The following SS18L1 variants were observed in gnomAD, a reference collection of about 807,000 sequenced individuals.
The protein encoded by SS18L1 is SS18L1 subunit of BAF chromatin remodeling complex.
SS18L1 carries 32 observed loss-of-function variants against 70.3 expected under a neutral mutation model. That is an observed-to-expected ratio of 0.46 (90% CI 0.34 to 0.61). The LOEUF is 0.61. Ranked by LOEUF, SS18L1 falls within the 20% of genes least tolerant of loss-of-function variation. The pLI, the probability that SS18L1 is intolerant of heterozygous loss-of-function variation, is 0.01. For missense variants in SS18L1, 430 were observed against 542.1 expected, an observed-to-expected ratio of 0.79 and a Z score of 2.05; for synonymous variants, 237 against 229.7, an observed-to-expected ratio of 1.03 and a Z score of -0.29.
At chr20:62,165,013 C>T (rs1448055377) in intron 7 of SS18L1, among the ~76,000 whole-genome samples, 3 of 152,216 alleles carry the variant, frequency 2.0e-5, no homozygotes, top group Non-Finnish European at 4.4e-5. Context: ...GACAGGTGGG[C>T]AGGTGGCAGC....
In SS18L1 at chr20:62,161,597, A is replaced by G. The variant is rs889606957; in HGVS notation, c.376+17A>G. 6.3e-7 allele frequency: 1 copy of G among 1,595,304 alleles called. No homozygotes were observed. The highest frequency in any genetic ancestry group is 1.7e-4 in the Middle Eastern group (1 of 5,922). On this transcript the variant is annotated intron_variant, in intron 4 of 10. Transcript: ENST00000331758. The surrounding 1 kb of genome is among the most constrained non-coding windows in gnomAD (Gnocchi z 4.4). ...TTGGCAACGGTGAGTGCGGCGGGGGAGGAGGACGTTCCTGGCTACGAGGCC... is the reference window on the plus strand; with the variant it reads ...TTGGCAACGGTGAGTGCGGCGGGGGGGGAGGACGTTCCTGGCTACGAGGCC...
rs1426114049 is a variant in SS18L1, at chr20:62,149,823, G to A, written c.69+5934G>A. Among the ~76,000 whole-genome samples, 3 of 152,214 alleles carry A rather than the reference G, an allele frequency of 2.0e-5. No homozygotes were observed. In the East Asian group the frequency reaches 5.8e-4, roughly 29 times the overall value. ...CCATTCCAAACTGCAGGAAACCATC[G>A]CAAGTCCAGGGTCATGTCAGAAAGA... On this transcript the variant is annotated intron_variant, in intron 1 of 10. Coordinates refer to ENST00000331758, the MANE Select transcript of SS18L1 (RefSeq NM_198935.3).
Position 62,163,510 on chromosome 20 carries a change from C to T in SS18L1, c.609C>T (p.Gly203=), listed in dbSNP as rs73309164. Reference sequence around the variant, plus strand: ...CGTCGCACTACAGCTCGGCGCAGGGCGGCAGCCAGCACTACCAGGGCCAGT... The same window carrying T: ...CGTCGCACTACAGCTCGGCGCAGGGTGGCAGCCAGCACTACCAGGGCCAGT... ...AATSHYSSAQ[G]GSQHYQGQSS... is the part of the protein sequence containing the mutation. The change falls in exon 6 of 11, where the codon GGC becomes GGT. Residue 203 remains glycine, a synonymous_variant. Coordinates refer to ENST00000331758, the MANE Select transcript of SS18L1 (RefSeq NM_198935.3). 84,546 of 1,611,952 alleles carry T rather than the reference C, an allele frequency of 0.052. 2,868 individuals are homozygous for T. Among genetic ancestry groups the T allele is most frequent in the African/African-American group, 0.15 (11,400 of 74,990 alleles).
chr20:62,147,406 C>A (rs1236667726), intron 1 of SS18L1, among the ~76,000 whole-genome samples: 4 of 152,188 alleles, frequency 2.6e-5, no homozygotes, highest in African/African-American at 4.8e-5. Context: ...CTGTAGTGTT[C>A]TGTTGTCCAG....
intron 8 of SS18L1, among the ~76,000 whole-genome samples, chr20:62,168,968 G>A (rs2057481767): frequency 6.6e-6 from 1 of 152,106 alleles, no homozygotes; most frequent in Admixed American, 6.6e-5. Context: ...CCAGTAATAG[G>A]AGGGGACCAG....
chr20:62,155,665 G>A (rs148776798), intron 1 of SS18L1, among the ~76,000 whole-genome samples: 1 of 152,230 alleles, frequency 6.6e-6, no homozygotes, highest in Non-Finnish European at 1.5e-5. Context: ...TCCTGGAGAC[G>A]CCCCCTCCTC....
At chr20:62,155,724 G>C (rs532937481) in intron 1 of SS18L1, among the ~76,000 whole-genome samples, 35 of 152,336 alleles carry the variant, frequency 2.3e-4, no homozygotes, top group African/African-American at 8.2e-4. Flanking sequence ...AAAGGTGCCA[G>C]AATTTTAACA....
At chr20:62,149,161 T>C (rs2427255) in intron 1 of SS18L1, among the ~76,000 whole-genome samples, 24,646 of 152,172 alleles carry the variant, frequency 0.16, 5,987 homozygotes, top group African/African-American at 0.53. Context: ...GTCACGCCCG[T>C]CCCCAGTGGA....
chr20:62,164,440 T>A (rs1303545890), intron 7 of SS18L1, among the ~76,000 whole-genome samples, 194 bp downstream of exon 7: 1 of 152,224 alleles, frequency 6.6e-6, no homozygotes, highest in Non-Finnish European at 1.5e-5. Context: ...GGGCTGGCAG[T>A]GGTGCCTGGC....
intron 1 of SS18L1, among the ~76,000 whole-genome samples, chr20:62,157,561 G>A (rs1161178664): frequency 6.6e-6 from 1 of 152,206 alleles, no homozygotes; most frequent in African/African-American, 2.4e-5. Context: ...CCAGTTCTAG[G>A]AGCACGTGGC....
In SS18L1 at chr20:62,179,627, T is replaced by C. The variant is rs2057678174; in HGVS notation, c.*419T>C. The C allele has an allele frequency of 4.2e-6, 1 of 240,818 alleles. No individual in the cohort carries two copies. The highest frequency in any genetic ancestry group is 5.5e-5 in the Admixed American group (1 of 18,238). The allele number at this position is 240,818 out of a possible 1,614,324, so 14.9% of individuals were successfully genotyped here. On this transcript the variant is annotated 3_prime_UTR_variant, in exon 11 of 11. Coordinates refer to ENST00000331758, the MANE Select transcript of SS18L1 (RefSeq NM_198935.3). ...TTTTCCTCCTCATGCAGTGTTGTAG[T>C]GTGGGTTGTCAACTTTTCTTTAACT... is the stretch of plus-strand genomic sequence containing the variant.
rs998827309 is a variant in SS18L1, at chr20:62,174,813, G to A, written c.1164+169G>A. 6.6e-7 allele frequency: 1 copy of A among 1,509,498 alleles called. No individual in the cohort carries two copies. The highest frequency in any genetic ancestry group is 8.9e-7 in the Non-Finnish European group (1 of 1,126,766). 93.5% of individuals were successfully genotyped at this position (1,509,498 alleles called of 1,614,324 possible). A position where few individuals can be genotyped will look rare whatever the true frequency, so the allele number is the denominator to read the frequency against. Reference sequence around the variant, plus strand: ...TGTAAGGTTTTGCAGAATTGCCTCTGTGTATACGCTCACCTCAGTCATCCA... The same window carrying A: ...TGTAAGGTTTTGCAGAATTGCCTCTATGTATACGCTCACCTCAGTCATCCA... On this transcript the variant is annotated intron_variant, in intron 10 of 10. Coordinates refer to ENST00000331758, the MANE Select transcript of SS18L1 (RefSeq NM_198935.3). This position sits in a 1 kb window ranked among gnomAD's most constrained non-coding sequence, Gnocchi z 4.1.
intron 1 of SS18L1, among the ~76,000 whole-genome samples, chr20:62,156,659 C>T (rs1424830895): frequency 1.3e-5 from 2 of 152,246 alleles, no homozygotes; most frequent in East Asian, 3.9e-4. Context: ...GCTTGGCTCT[C>T]TCCACCCTGG....
At chr20:62,178,016 C>CCTT (rs2057649455) in intron 10 of SS18L1, among the ~76,000 whole-genome samples, 1 of 101,378 alleles carries the variant, frequency 9.9e-6, no homozygotes, top group African/African-American at 4.0e-5. Context: ...TGTGCCTGGC[C>CCTT]TTTTTTTTTT....
intron 3 of SS18L1, among the ~76,000 whole-genome samples, chr20:62,160,583 G>A (rs1325424138): frequency 6.6e-6 from 1 of 152,188 alleles, no homozygotes; most frequent in Admixed American, 6.5e-5. Context: ...TTTTTAAAAT[G>A]CATTTTTCCA....
chr20:62,171,625 T>A (rs1202634462), intron 8 of SS18L1, among the ~76,000 whole-genome samples: 2 of 152,238 alleles, frequency 1.3e-5, no homozygotes, highest in African/African-American at 4.8e-5. Context: ...TCAATAAAGC[T>A]GTTATTTAAA....
Position 62,148,441 on chromosome 20 carries a change from T to C in SS18L1, c.69+4552T>C, listed in dbSNP as rs112096648. ...TGTCTTAGGTCAGGTGAGGGAGGCTTGGCCTCCTTGCTGTCTTAGGTGAGG... is the reference window on the plus strand; with the variant it reads ...TGTCTTAGGTCAGGTGAGGGAGGCTCGGCCTCCTTGCTGTCTTAGGTGAGG... On this transcript the variant is annotated intron_variant, in intron 1 of 10. Transcript: ENST00000331758. 1.8e-4 allele frequency among the ~76,000 whole-genome samples: 25 copies of C among 138,336 alleles called. 1 individual carries two copies. In the East Asian group the frequency reaches 5.0e-3, roughly 28 times the overall value. 90.8% of individuals were successfully genotyped at this position (138,336 alleles called of 152,430 possible). A position where few individuals can be genotyped will look rare whatever the true frequency, so the allele number is the denominator to read the frequency against.
Position 62,158,650 on chromosome 20 carries a change from C to T in SS18L1, c.70-22C>T, listed in dbSNP as rs2057266848. On this transcript the variant is annotated intron_variant, in intron 1 of 10. Transcript: ENST00000331758. This position sits in a 1 kb window ranked among gnomAD's most constrained non-coding sequence, Gnocchi z 4.5. ...CAGCGACAGCCCCGCGTCGGCAGCG[C>T]CCGCTCACGCTCTCTCCGCAGATGC... 6.2e-7 allele frequency: 1 copy of T among 1,611,012 alleles called. No individual in the cohort carries two copies. The highest frequency in any genetic ancestry group is 2.2e-5 in the East Asian group (1 of 44,874).
chr20:62,159,680 G>T lies in SS18L1; in HGVS notation c.147-197G>T, dbSNP rs1299626361. ...AGCCTGCTCAGGGTTTGGGGTAGAG[G>T]CTGCCCTCCCGTCCCCACCGAGACC... On this transcript the variant is annotated intron_variant, in intron 2 of 10. Transcript: ENST00000331758. The surrounding 1 kb of genome is among the most constrained non-coding windows in gnomAD (Gnocchi z 4.4). Among the ~76,000 whole-genome samples, 1 of 149,854 alleles carries T rather than the reference G, an allele frequency of 6.7e-6. No homozygotes were observed. Among genetic ancestry groups the T allele is most frequent in the Non-Finnish European group, 1.5e-5 (1 of 66,866 alleles).
Sources: gnomAD v4.1 joint callset for allele counts (sites outside exome capture counted in the v4.1 genomes callset) on GRCh38, gnomAD v4.1.1 for gene constraint, Gnocchi (gnomAD v3.1) non-coding constraint, MANE v1.5 for transcripts, NCBI Gene and HGNC (gene_info 2026-07-23, HGNC 2026-07-21) for gene names.